The following TBCK variants were observed in gnomAD, a reference collection of about 807,000 sequenced individuals.
TBCK encodes TBC1 domain containing kinase, also known as TBC domain-containing protein kinase-like protein.
A neutral mutation model predicts 113.4 loss-of-function variants in TBCK; 99 were observed. The ratio of observed to expected loss-of-function variants is 0.87; its 90% CI spans 0.74 to 1.03. TBCK has a LOEUF of 1.03. TBCK is among the 50% of genes least tolerant of loss of function. The pLI, the probability that TBCK is intolerant of heterozygous loss-of-function variation, is 0.00. For synonymous variants in TBCK, 369 were observed against 370.8 expected (o/e 1.00, Z 0.05); for missense variants, 1,045 against 1,061.3 (o/e 0.98, Z 0.21).
chr4:106,227,245 T>C (rs1304133889), intron 19 of TBCK, among the ~76,000 whole-genome samples: 2 of 152,206 alleles, frequency 1.3e-5, no homozygotes, highest in Admixed American at 1.3e-4. Flanking sequence ...CTATCTACAC[T>C]GTAGACACAG....
chr4:106,133,927 T>C (rs1579008126), intron 23 of TBCK, among the ~76,000 whole-genome samples: 2 of 152,202 alleles, frequency 1.3e-5, no homozygotes, highest in East Asian at 3.9e-4. Context: ...GGAGAATTGC[T>C]TGAACCTGGG....
intron 20 of TBCK, among the ~76,000 whole-genome samples, chr4:106,197,536 C>CAACAAAACAA (rs893370590): frequency 6.7e-6 from 1 of 150,324 alleles, no homozygotes; most frequent in East Asian, 2.0e-4. Flanking sequence ...AGAATGAAAA[C>CAACAAAACAA]AACAAAACAA....
At chr4:106,307,103 G>A (rs576632091) in intron 2 of TBCK, among the ~76,000 whole-genome samples, 7 of 152,160 alleles carry the variant, frequency 4.6e-5, no homozygotes, top group East Asian at 1.9e-4. Context: ...TTTATGGTAC[G>A]GAATAGCTCT....
At chr4:106,063,652 C>T (rs1736305700) in intron 25 of TBCK, among the ~76,000 whole-genome samples, 1 of 151,832 alleles carries the variant, frequency 6.6e-6, no homozygotes, top group Non-Finnish European at 1.5e-5. Context: ...GTGTCTTCCC[C>T]AAATTCATAT....
At chr4:106,078,384 CTAAT>C (rs1418322975) in intron 25 of TBCK, among the ~76,000 whole-genome samples, 2 of 151,984 alleles carry the variant, frequency 1.3e-5, no homozygotes, top group Non-Finnish European at 2.9e-5. Context: ...ATTGAAACTG[CTAAT>C]TAATTAGATT....
chr4:106,255,548 C>T (rs1761895610), intron 5 of TBCK, among the ~76,000 whole-genome samples: 1 of 152,158 alleles, frequency 6.6e-6, no homozygotes, highest in South Asian at 2.1e-4. Context: ...ATGGCTGGCA[C>T]CAGGGAACAT....
Position 106,247,214 on chromosome 4 carries a change from G to T in TBCK, c.856C>A (p.Pro286Thr). 6.2e-7 allele frequency: 1 copy of T among 1,613,348 alleles called. No homozygotes were observed. The highest frequency in any genetic ancestry group is 8.5e-7 in the Non-Finnish European group (1 of 1,179,538). ...AGAGAAGATGAAAACAGACTGGCAGGTTTGGTAAAGGGGGTATATAAAGGT... is the reference window on the plus strand; with the variant it reads ...AGAGAAGATGAAAACAGACTGGCAGTTTTGGTAAAGGGGGTATATAAAGGT... ...VSPLYTPFTK[P>T]ASLFSSSLRC... Residue 286 changes from proline to threonine, a missense_variant, in exon 10 of 26, where the codon CCT becomes ACT. Transcript: ENST00000394708.
At position 106,057,247 on chromosome 4, in the gene TBCK, G is replaced by T. The variant is rs146517496; in HGVS notation, c.2572-10567C>A. ...CTTAAGAGAGAGGGTCAATGTAAAG[G>T]TAAGAATCTAGCATTGAGATAGACT... On this transcript the variant is annotated intron_variant, in intron 25 of 25. Coordinates refer to ENST00000394708, the MANE Select transcript of TBCK (RefSeq NM_001163435.3). Among the ~76,000 whole-genome samples the T allele has an allele frequency of 1.2e-3, 179 of 151,800 alleles. 1 individual carries two copies. Among genetic ancestry groups the T allele is most frequent in the African/African-American group, 4.0e-3 (167 of 41,458 alleles).
chr4:106,103,374 A>G (rs1190187932), intron 24 of TBCK, among the ~76,000 whole-genome samples: 2 of 152,202 alleles, frequency 1.3e-5, no homozygotes, highest in East Asian at 1.9e-4. Context: ...CTGAATGAAT[A>G]TATCTAGTGT....
chr4:106,190,068 G>T (rs1394436443), intron 22 of TBCK, among the ~76,000 whole-genome samples: 1 of 152,128 alleles, frequency 6.6e-6, no homozygotes, highest in Non-Finnish European at 1.5e-5. Context: ...TCATCACCAT[G>T]ATAACTATTT....
chr4:106,262,604 C>T (rs1057204120), intron 3 of TBCK, among the ~76,000 whole-genome samples: 7 of 152,028 alleles, frequency 4.6e-5, no homozygotes, highest in Non-Finnish European at 1.0e-4. Context: ...ATACAAAATA[C>T]CTAAGCCCCC....
At chr4:106,125,321 C>G (rs1745059555) in intron 23 of TBCK, among the ~76,000 whole-genome samples, 1 of 152,036 alleles carries the variant, frequency 6.6e-6, no homozygotes. Context: ...CAGAACTAAC[C>G]TAAATGTCTA....
At chr4:106,248,432 T>G in intron 8 of TBCK, 126 bp from the exon 9 acceptor site, 2 of 658,812 alleles carry the variant, frequency 3.0e-6, no homozygotes, top group Non-Finnish European at 4.8e-6. Flanking sequence ...TTATACAAAT[T>G]TAGTCACTGT....
At chr4:106,212,905 G>C (rs1267682058) in intron 19 of TBCK, 70 bp from the exon 20 acceptor site, 1 of 953,632 alleles carries the variant, frequency 1.0e-6, no homozygotes, top group Non-Finnish European at 1.6e-6. Context: ...TTCAAATATA[G>C]TTTTATTTAT....
At chr4:106,217,703 T>C (rs1225968721) in intron 19 of TBCK, among the ~76,000 whole-genome samples, 1 of 149,528 alleles carries the variant, frequency 6.7e-6, no homozygotes, top group Non-Finnish European at 1.5e-5. Context: ...AAACCACTGC[T>C]CAAGGAAATC....
rs1421134709 is a variant in TBCK at position 106,088,297 on chromosome 4, T to C, written c.2571+7185A>G. Among the ~76,000 whole-genome samples, 7 of 152,210 alleles carry C rather than the reference T, an allele frequency of 4.6e-5. No homozygotes were observed. The East Asian group carries it at 1.2e-3, about 25-fold the overall frequency. ...CCCATCAAAAAGTAGGCAAAGCATA[T>C]ATGAACAGCTCCTCCTCAAAAGAAG... On this transcript the variant is annotated intron_variant, in intron 25 of 25. Transcript: ENST00000394708.
chr4:106,208,586 G>A (rs533615859), intron 20 of TBCK, among the ~76,000 whole-genome samples: 3 of 152,190 alleles, frequency 2.0e-5, no homozygotes, highest in Admixed American at 1.3e-4. Flanking sequence ...TTCCTTCTCT[G>A]CTGAGAGCTG....
intron 3 of TBCK, among the ~76,000 whole-genome samples, chr4:106,282,136 G>T (rs1287850069): frequency 6.6e-6 from 1 of 151,998 alleles, no homozygotes; most frequent in Non-Finnish European, 1.5e-5. Flanking sequence ...AATCTTGGTA[G>T]GTTGCATGTG....
chr4:106,275,714 G>T lies in TBCK; in HGVS notation c.267-13502C>A, dbSNP rs562227444. ...CTACTTAGGAAAAAATTTTTAAAAA[G>T]TAAAGCAAGAACTCTACATCATAAA... is the stretch of plus-strand genomic sequence containing the variant. On this transcript the variant is annotated intron_variant, in intron 3 of 25. Coordinates refer to ENST00000394708, the MANE Select transcript of TBCK (RefSeq NM_001163435.3). Among the ~76,000 whole-genome samples the T allele has an allele frequency of 2.0e-5, 3 of 152,128 alleles. No homozygotes were observed. In the South Asian group the frequency reaches 6.2e-4, roughly 32 times the overall value.
Sources: gnomAD v4.1 joint callset for allele counts (sites outside exome capture counted in the v4.1 genomes callset) on GRCh38, gnomAD v4.1.1 for gene constraint, MANE v1.5 for transcripts, NCBI Gene and HGNC (gene_info 2026-07-23, HGNC 2026-07-21) for gene names.